NTM: variants seen among roughly 807,000 people sequenced by gnomAD.
NTM encodes neurotrimin.
NTM carries 13 observed loss-of-function variants against 42.1 expected under a neutral mutation model. The ratio of observed to expected loss-of-function variants is 0.31; its 90% confidence interval spans 0.20 to 0.49. The LOEUF is 0.49. NTM is among the 20% of genes least tolerant of loss of function. The pLI is 0.99. For missense variants in NTM, 373 were observed against 452.8 expected (o/e 0.82, Z 1.60); for synonymous variants, 187 against 179.2 (o/e 1.04, Z -0.35).
At chr11:131,857,268 C>A (rs2046198395) in intron 1 of NTM, among the ~76,000 whole-genome samples, 1 of 152,144 alleles carries the variant, frequency 6.6e-6, no homozygotes, top group Admixed American at 6.5e-5. Context: ...CTCTATGCAT[C>A]CTCTTCTAAA....
intron 1 of NTM, among the ~76,000 whole-genome samples, chr11:131,781,908 T>A (rs2136015248): frequency 6.6e-6 from 1 of 152,266 alleles, no homozygotes; most frequent in African/African-American, 2.4e-5. Flanking sequence ...ACTACAAAAA[T>A]TGACACAGAG....
chr11:131,420,853 G>T (rs116822158), intron 1 of NTM, among the ~76,000 whole-genome samples: 1,714 of 152,238 alleles, frequency 0.011, 22 homozygotes, highest in African/African-American at 0.039. Flanking sequence ...CATGTCTTTA[G>T]AACCAGCATT....
chr11:132,286,497 A>G (rs2094236379), intron 4 of NTM, among the ~76,000 whole-genome samples: 1 of 152,140 alleles, frequency 6.6e-6, no homozygotes, highest in Admixed American at 6.5e-5. Context: ...ACACGATATT[A>G]CACATACTTT....
chr11:131,764,172 A>T (rs1185543223), intron 1 of NTM, among the ~76,000 whole-genome samples: 4 of 152,136 alleles, frequency 2.6e-5, no homozygotes, highest in Admixed American at 2.6e-4. Context: ...TTTTGTTCAC[A>T]CTGTATTTGG....
chr11:132,117,396 G>A (rs1269433002), intron 2 of NTM, among the ~76,000 whole-genome samples: 1 of 152,196 alleles, frequency 6.6e-6, no homozygotes, highest in Non-Finnish European at 1.5e-5. Context: ...ACCTTGCTTG[G>A]CTTCCTGGCC....
chr11:131,376,179 G>C (rs1941945428), intron 1 of NTM, among the ~76,000 whole-genome samples: 1 of 152,108 alleles, frequency 6.6e-6, no homozygotes, highest in Admixed American at 6.5e-5. Context: ...GGAGGCCAAC[G>C]GACCATGGGC....
intron 2 of NTM, among the ~76,000 whole-genome samples, chr11:132,077,056 T>C (rs893532680): frequency 2.6e-5 from 4 of 152,214 alleles, no homozygotes; most frequent in African/African-American, 9.6e-5. Context: ...TAAGCTGACT[T>C]GAGAAATCAG....
chr11:132,062,155 C>T (rs2080783681), intron 2 of NTM, among the ~76,000 whole-genome samples: 1 of 152,136 alleles, frequency 6.6e-6, no homozygotes, highest in Admixed American at 6.5e-5. Flanking sequence ...TAATTTACCA[C>T]CCCAGGTGCA....
intron 1 of NTM, among the ~76,000 whole-genome samples, chr11:131,432,119 T>C (rs1354175712): frequency 6.6e-6 from 1 of 152,208 alleles, no homozygotes; most frequent in Non-Finnish European, 1.5e-5. Context: ...GTGTGAATTC[T>C]TACCATTAAT....
intron 3 of NTM, among the ~76,000 whole-genome samples, chr11:132,194,432 C>T (rs1040407455): frequency 3.3e-5 from 5 of 151,956 alleles, no homozygotes; most frequent in Non-Finnish European, 7.4e-5. Context: ...ATGTTAAAAA[C>T]CCCTCAACAA....
At chr11:131,666,429 A>T (rs529198168) in intron 1 of NTM, among the ~76,000 whole-genome samples, 1 of 152,322 alleles carries the variant, frequency 6.6e-6, no homozygotes, top group African/African-American at 2.4e-5. Context: ...GGAGGAGATC[A>T]TTGACCATAA....
chr11:132,325,519 AG>A (rs2095660499), intron 7 of NTM, among the ~76,000 whole-genome samples: 1 of 152,106 alleles, frequency 6.6e-6, no homozygotes, highest in Non-Finnish European at 1.5e-5. Flanking sequence ...AGGAAACAAC[AG>A]GTGCTGGAGA....
At chr11:131,845,700 C>A (rs1370024114) in intron 1 of NTM, among the ~76,000 whole-genome samples, 1 of 151,436 alleles carries the variant, frequency 6.6e-6, no homozygotes, top group Non-Finnish European at 1.5e-5. Flanking sequence ...AAAAAAAATA[C>A]ATTCCTGGAT....
At chr11:131,988,504 G>T (rs1286926245) in intron 2 of NTM, among the ~76,000 whole-genome samples, 1 of 152,128 alleles carries the variant, frequency 6.6e-6, no homozygotes. Flanking sequence ...ATCCTTTGTG[G>T]CCTGGTGACA....
At chr11:132,144,982 A>AG (rs1217031290) in intron 2 of NTM, among the ~76,000 whole-genome samples, 1 of 152,232 alleles carries the variant, frequency 6.6e-6, no homozygotes, top group Non-Finnish European at 1.5e-5. Flanking sequence ...TCATGGGGAC[A>AG]GGGGGTCTCC....
chr11:132,292,978 G>T (rs2094500044), intron 4 of NTM, among the ~76,000 whole-genome samples: 1 of 151,986 alleles, frequency 6.6e-6, no homozygotes, highest in Non-Finnish European at 1.5e-5. Flanking sequence ...TTTTAGGTGT[G>T]AATGTGGAGT....
chr11:131,493,599 G>T (rs1167368572), intron 1 of NTM, among the ~76,000 whole-genome samples: 7 of 152,100 alleles, frequency 4.6e-5, no homozygotes, highest in East Asian at 1.9e-4. Flanking sequence ...TACTGTATTG[G>T]GTAACTCACG....
chr11:132,078,448 T>G (rs140053926), intron 2 of NTM, among the ~76,000 whole-genome samples: 181 of 152,312 alleles, frequency 1.2e-3, no homozygotes, highest in African/African-American at 4.1e-3. Context: ...AGCAGTAGGC[T>G]CTGGCCATTT....
At chr11:131,833,487 A>T (rs7104869) in intron 1 of NTM, among the ~76,000 whole-genome samples, 66,438 of 152,082 alleles carry the variant, frequency 0.44, 16,634 homozygotes, top group Non-Finnish European at 0.56. Flanking sequence ...CTAAGGTCAC[A>T]CAGCCAGTAA....
Sources: gnomAD v4.1 joint callset for allele counts (sites outside exome capture counted in the v4.1 genomes callset) on GRCh38, gnomAD v4.1.1 for gene constraint, MANE v1.5 for transcripts, NCBI Gene and HGNC (gene_info 2026-07-23, HGNC 2026-07-21) for gene names.